Variants in FHIP1A observed in about 807,000 individuals in gnomAD.
The protein encoded by FHIP1A is FHF complex subunit HOOK-interacting protein 1A.
FHIP1A carries 61 observed loss-of-function variants against 88.6 expected under a neutral mutation model. The ratio of observed to expected loss-of-function variants is 0.69; its 90% CI spans 0.56 to 0.85. The LOEUF (loss-of-function observed/expected upper bound fraction) is 0.85, where lower values mean the gene tolerates loss of function less well. FHIP1A is among the 40% of genes least tolerant of loss of function. FHIP1A has a pLI of 0.00. For synonymous variants in FHIP1A, 478 were observed against 496.0 expected (o/e 0.96, Z 0.48); for missense variants, 1,154 against 1,273.5 (o/e 0.91, Z 1.43).
At chr4:151,544,717 T>C (rs1732421666) in intron 3 of FHIP1A, among the ~76,000 whole-genome samples, 1 of 152,080 alleles carries the variant, frequency 6.6e-6, no homozygotes, top group Non-Finnish European at 1.5e-5. Context: ...GCCATGGTAT[T>C]GAGAAAAGGA....
At chr4:151,523,707 C>T (rs903961682) in intron 3 of FHIP1A, among the ~76,000 whole-genome samples, 2 of 152,138 alleles carry the variant, frequency 1.3e-5, no homozygotes, top group African/African-American at 4.8e-5. Flanking sequence ...TTAGCCCTAT[C>T]CTTAGCCTTA....
chr4:151,428,663 C>T (rs557249145), intron 1 of FHIP1A, among the ~76,000 whole-genome samples: 3 of 152,284 alleles, frequency 2.0e-5, no homozygotes, highest in Middle Eastern at 3.4e-3. Flanking sequence ...ATCCTTAATA[C>T]GTGCAAGGCT....
intron 1 of FHIP1A, among the ~76,000 whole-genome samples, chr4:151,445,225 G>C (rs181722815): frequency 6.8e-4 from 104 of 152,148 alleles, no homozygotes; most frequent in Non-Finnish European, 1.1e-3. Context: ...GAACAACCAG[G>C]TGAAGAGATA....
chr4:151,558,103 A>G (rs764169644), intron 3 of FHIP1A, among the ~76,000 whole-genome samples: 1 of 152,210 alleles, frequency 6.6e-6, no homozygotes, highest in African/African-American at 2.4e-5. Context: ...GCCATTAATG[A>G]GTGCAATATT....
chr4:151,646,558 G>C lies in FHIP1A; in HGVS notation c.1227G>C (p.Arg409Ser). Residue 409 changes from arginine (R) to serine (S), a missense_variant and splice_region_variant, in exon 10 of 14, where the codon AGG (arginine) becomes AGC (serine). By Grantham distance (110) the Arg-to-Ser change is moderately radical. Transcript: ENST00000435205. Reference protein sequence around the residue: ...CEDVMLQLVLRYLIPCNHMML... With the variant: ...CEDVMLQLVLSYLIPCNHMML... ...ACGCTTGTTCTTTTTGTCATTCTAG[G>C]TATCTGATCCCCTGCAATCACATGA... The C allele has an allele frequency of 6.5e-7, 1 of 1,549,460 alleles. No homozygotes were observed. The highest frequency in any genetic ancestry group is 1.2e-5 in the South Asian group (1 of 83,968).
intron 5 of FHIP1A, among the ~76,000 whole-genome samples, chr4:151,580,882 G>A (rs1294152194): frequency 6.6e-6 from 1 of 152,138 alleles, no homozygotes; most frequent in Non-Finnish European, 1.5e-5. Context: ...TATTGAGACA[G>A]AGTCTCACTC....
At chr4:151,468,297 A>AG (rs1394487267) in intron 2 of FHIP1A, among the ~76,000 whole-genome samples, 2 of 151,544 alleles carry the variant, frequency 1.3e-5, no homozygotes, top group African/African-American at 4.8e-5. Context: ...AAAAAAAAAA[A>AG]AAAAAAAAAA....
chr4:151,654,982 CCT>C (rs1486167558), intron 11 of FHIP1A, among the ~76,000 whole-genome samples: 1 of 152,294 alleles, frequency 6.6e-6, no homozygotes, highest in Admixed American at 6.5e-5. Flanking sequence ...CTGTTCCTCC[CCT>C]GTGTGGTAAA....
chr4:151,650,688 C>T (rs749616208), intron 11 of FHIP1A, 96 bp downstream of exon 11: 24 of 1,430,204 alleles, frequency 1.7e-5, no homozygotes, highest in Non-Finnish European at 2.0e-5. Flanking sequence ...GGGATATTAT[C>T]GGTTTGTCTA....
intron 7 of FHIP1A, among the ~76,000 whole-genome samples, chr4:151,604,014 A>G (rs1734974270): frequency 6.6e-6 from 1 of 152,152 alleles, no homozygotes; most frequent in African/African-American, 2.4e-5. Context: ...TCCACTTCCT[A>G]CAATGTTCTT....
At chr4:151,464,221 C>T (rs1213885543) in intron 2 of FHIP1A, among the ~76,000 whole-genome samples, 1 of 152,056 alleles carries the variant, frequency 6.6e-6, no homozygotes, top group Non-Finnish European at 1.5e-5. Flanking sequence ...TGTCATTTAG[C>T]CAGTGATTGT....
chr4:151,518,622 C>T (rs1053968676), intron 3 of FHIP1A, among the ~76,000 whole-genome samples: 7 of 150,918 alleles, frequency 4.6e-5, no homozygotes, highest in Admixed American at 2.0e-4. Context: ...TGCTTTGTCA[C>T]ATAACTATCC....
At chr4:151,511,104 C>A (rs537740647) in intron 3 of FHIP1A, among the ~76,000 whole-genome samples, 3 of 152,280 alleles carry the variant, frequency 2.0e-5, no homozygotes, top group Admixed American at 6.5e-5. Context: ...TATGACAAAT[C>A]CCCATTAGGC....
intron 3 of FHIP1A, among the ~76,000 whole-genome samples, chr4:151,561,050 T>C (rs2126763340): frequency 6.6e-6 from 1 of 152,310 alleles, no homozygotes; most frequent in Middle Eastern, 3.4e-3. Flanking sequence ...GTTGGTAGCC[T>C]GTTCTTGTGA....
chr4:151,551,506 A>G (rs1280754884), intron 3 of FHIP1A, among the ~76,000 whole-genome samples: 2 of 152,218 alleles, frequency 1.3e-5, no homozygotes, highest in Non-Finnish European at 2.9e-5. Flanking sequence ...ATGGAATAGA[A>G]CAGAACCCTC....
intron 7 of FHIP1A, among the ~76,000 whole-genome samples, chr4:151,605,365 G>A (rs1052398230): frequency 2.6e-4 from 40 of 152,180 alleles, no homozygotes; most frequent in African/African-American, 9.7e-4. Flanking sequence ...GAAGTAAGAG[G>A]TAGATGGAAG....
chr4:151,446,581 C>CTTTTTTT (rs35115788), intron 1 of FHIP1A, among the ~76,000 whole-genome samples: 32 of 109,918 alleles, frequency 2.9e-4, no homozygotes, highest in South Asian at 3.0e-4. Flanking sequence ...TGTTCTTTTT[C>CTTTTTTT]TTTTTTTTTT....
rs1578871778 is a variant in FHIP1A at position 151,657,152 on chromosome 4, G to A, written c.2869+254G>A. Reference sequence around the variant, plus strand: ...TTTTGTTTTTTTAACTGAGAGTGGTGCCTGCAAGGAGCTGATGTGTAGGGT... The same window carrying A: ...TTTTGTTTTTTTAACTGAGAGTGGTACCTGCAAGGAGCTGATGTGTAGGGT... On this transcript the variant is annotated intron_variant, in intron 13 of 13. Coordinates refer to ENST00000435205, the MANE Select transcript of FHIP1A (RefSeq NM_001109977.3). Among the ~76,000 whole-genome samples the A allele has an allele frequency of 3.3e-5, 5 of 152,300 alleles. No individual in the cohort carries two copies. The South Asian group carries it at 6.2e-4, about 19-fold the overall frequency.
intron 8 of FHIP1A, 116 bp from the exon 9 acceptor site, chr4:151,638,561 C>G (rs1736450627): frequency 1.8e-6 from 1 of 553,470 alleles, no homozygotes; most frequent in Admixed American, 3.7e-5. Context: ...TTTATCAAAA[C>G]TGCTAAAAAA....
Sources: gnomAD v4.1 joint callset for allele counts (sites outside exome capture counted in the v4.1 genomes callset) on GRCh38, gnomAD v4.1.1 for gene constraint, MANE v1.5 for transcripts, NCBI Gene and HGNC (gene_info 2026-07-23, HGNC 2026-07-21) for gene names.